Variants in CDH18 observed in about 807,000 individuals in gnomAD.
The protein encoded by CDH18 is cadherin-18.
CDH18 carries 31 observed loss-of-function variants against 67.9 expected under a neutral mutation model. That is an observed-to-expected ratio of 0.46 (90% CI 0.34 to 0.62). The LOEUF (loss-of-function observed/expected upper bound fraction) is 0.62, where lower values mean the gene tolerates loss of function less well. CDH18 is among the 20% of genes least tolerant of loss of function. The pLI, the probability that CDH18 is intolerant of heterozygous loss-of-function variation, is 0.01. For missense variants in CDH18, 890 were observed against 975.5 expected (o/e 0.91, Z 1.17); for synonymous variants, 362 against 347.2 (o/e 1.04, Z -0.48).
chr5:19,783,320 A>G (rs1212215788), intron 3 of CDH18, among the ~76,000 whole-genome samples: 1 of 152,152 alleles, frequency 6.6e-6, no homozygotes, highest in African/African-American at 2.4e-5. Flanking sequence ...ACCTCTCTGA[A>G]ATGGGTTCTG....
intron 2 of CDH18, among the ~76,000 whole-genome samples, chr5:20,240,203 A>G (rs1185196361): frequency 1.3e-5 from 2 of 152,086 alleles, no homozygotes; most frequent in African/African-American, 4.8e-5. Context: ...CTAAAGGAAA[A>G]CAAAACAATA....
In CDH18 at chr5:19,837,839, G is replaced by A. The variant is rs73761840; in HGVS notation, c.228+920C>T. ...TAGAAGCCACTGAGCCTGCAGTCAC[G>A]GATATTCTACTGCTGTGCTTGCTGT... On this transcript the variant is annotated intron_variant, in intron 3 of 12. Transcript: ENST00000382275. Among the ~76,000 whole-genome samples, 923 of 152,210 alleles carry A rather than the reference G, an allele frequency of 6.1e-3. 7 individuals carry two copies. The highest frequency in any genetic ancestry group is 0.021 in the African/African-American group (865 of 41,522).
chr5:19,655,986 CTTTTTTTT>C (rs963093504), intron 5 of CDH18, among the ~76,000 whole-genome samples: 21 of 103,660 alleles, frequency 2.0e-4, no homozygotes, highest in Admixed American at 4.3e-4. Flanking sequence ...CTACTCACTT[CTTTTTTTT>C]TTTTTTTTTT....
At chr5:20,330,548 C>T (rs552803132) in intron 1 of CDH18, among the ~76,000 whole-genome samples, 1 of 152,238 alleles carries the variant, frequency 6.6e-6, no homozygotes, top group Non-Finnish European at 1.5e-5. Context: ...TGCACAGTAA[C>T]AGACAAAAAT....
chr5:19,910,427 G>T, intron 2 of CDH18, among the ~76,000 whole-genome samples: 1 of 152,130 alleles, frequency 6.6e-6, no homozygotes, highest in East Asian at 1.9e-4. Flanking sequence ...CGATGTTGTG[G>T]AGATTTAGCT....
intron 2 of CDH18, among the ~76,000 whole-genome samples, chr5:19,857,876 CAG>C (rs1784475001): frequency 6.6e-6 from 1 of 152,070 alleles, no homozygotes; most frequent in Admixed American, 6.5e-5. Flanking sequence ...ACTTTCAAGT[CAG>C]AAATTATTTT....
chr5:20,275,105 A>G (rs1032951261), intron 1 of CDH18, among the ~76,000 whole-genome samples: 1 of 152,128 alleles, frequency 6.6e-6, no homozygotes, highest in Non-Finnish European at 1.5e-5. Flanking sequence ...TATTTTCACC[A>G]CATTTCTGAG....
intron 2 of CDH18, among the ~76,000 whole-genome samples, chr5:20,074,933 T>C (rs1743794291): frequency 6.6e-6 from 1 of 152,192 alleles, no homozygotes; most frequent in African/African-American, 2.4e-5. Context: ...GATAAAAGAA[T>C]TAAATACCTA....
At chr5:20,419,634 C>T (rs542642291) in intron 1 of CDH18, among the ~76,000 whole-genome samples, 1 of 144,708 alleles carries the variant, frequency 6.9e-6, no homozygotes, top group Admixed American at 6.7e-5. Flanking sequence ...CCCGCCACGA[C>T]GCCCAGCTAA....
chr5:20,327,806 G>A (rs951901345), intron 1 of CDH18, among the ~76,000 whole-genome samples: 1 of 152,046 alleles, frequency 6.6e-6, no homozygotes, highest in African/African-American at 2.4e-5. Context: ...GGGAGGGCAA[G>A]GTGGGAGGAT....
At chr5:19,891,813 C>T (rs777712432) in intron 2 of CDH18, among the ~76,000 whole-genome samples, 6 of 152,178 alleles carry the variant, frequency 3.9e-5, no homozygotes, top group African/African-American at 7.2e-5. Context: ...TTCTAACTGA[C>T]TCACACATTT....
chr5:19,571,799 G>T lies in CDH18; in HGVS notation c.1033C>A (p.Leu345Ile). 6.2e-7 allele frequency: 1 copy of T among 1,613,436 alleles called. No homozygotes were observed. Among genetic ancestry groups the T allele is most frequent in the Non-Finnish European group, 8.5e-7 (1 of 1,179,490 alleles). The change falls in exon 8 of 13, where the codon CTC becomes ATC. Residue 345 changes from leucine (L) to isoleucine (I), a missense_variant. Physicochemically the swap from Leu to Ile is conservative, Grantham distance 5. Around this residue, in one of 2 missense-constraint regions of CDH18, gnomAD observed 656 missense variants for 668.1 expected, o/e 0.98. Transcript: ENST00000382275. ...TGTGTATTTGCTCCTTCTATGTTGA[G>T]GGTATATGACTTCTTTTTCTCATAG... ...LNYEKKKSYTLNIEGANTHLD... is the reference protein window; with the variant it reads ...LNYEKKKSYTINIEGANTHLD...
At chr5:19,805,042 G>T (rs1448950387) in intron 3 of CDH18, among the ~76,000 whole-genome samples, 8 of 151,888 alleles carry the variant, frequency 5.3e-5, no homozygotes, top group East Asian at 3.9e-4. Context: ...TGCCTACAAG[G>T]TTCAAATGAT....
intron 3 of CDH18, among the ~76,000 whole-genome samples, chr5:19,819,371 CAA>C (rs1248193986): frequency 3.3e-5 from 5 of 152,110 alleles, no homozygotes; most frequent in Non-Finnish European, 5.9e-5. Context: ...TCTCTTCCAA[CAA>C]GAGAAGCTAA....
At chr5:20,548,618 A>G (rs1457368196) in intron 1 of CDH18, among the ~76,000 whole-genome samples, 1 of 152,210 alleles carries the variant, frequency 6.6e-6, no homozygotes, top group East Asian at 1.9e-4. Context: ...AGCATAACTG[A>G]TGTTTGTACA....
At position 20,231,611 on chromosome 5, in the gene CDH18, A is replaced by AAAAAG. The variant is rs534468710; in HGVS notation, c.-518+23828_-518+23832dup. 9.9e-3 allele frequency among the ~76,000 whole-genome samples: 1,510 copies of AAAAAG among 151,968 alleles called. 15 individuals carry two copies. The highest frequency in any genetic ancestry group is 0.016 in the Non-Finnish European group (1,063 of 67,992). ...GTGAAACTCCATCTCAAAAAGAAAA[A>AAAAAG]AAAAGAAAAGAAAAGAAAAGAAAGG... is the stretch of plus-strand genomic sequence containing the variant. On this transcript the variant is annotated intron_variant, in intron 2 of 14. Transcript: ENST00000507958.
At chr5:20,419,179 T>G (rs1431306850) in intron 1 of CDH18, among the ~76,000 whole-genome samples, 1 of 152,154 alleles carries the variant, frequency 6.6e-6, no homozygotes, top group Non-Finnish European at 1.5e-5. Flanking sequence ...CCGCTTTTGC[T>G]TCTCAATTTT....
chr5:19,553,632 A>C (rs908592126), intron 8 of CDH18, among the ~76,000 whole-genome samples: 2 of 135,322 alleles, frequency 1.5e-5, no homozygotes, highest in South Asian at 2.3e-4. Context: ...TTGGTCTCAT[A>C]CTTTTTTTTT....
chr5:20,178,789 T>G (rs1244404253), intron 2 of CDH18, among the ~76,000 whole-genome samples: 1 of 152,090 alleles, frequency 6.6e-6, no homozygotes, highest in Non-Finnish European at 1.5e-5. Context: ...GTGGGGATAT[T>G]TTTACCCTTC....
Sources: allele counts gnomAD v4.1 joint callset (sites outside exome capture counted in the v4.1 genomes callset), GRCh38; gene constraint gnomAD v4.1.1; regional missense constraint gnomAD v4.1.1; transcripts MANE v1.5; gene names NCBI Gene and HGNC (gene_info 2026-07-23, HGNC 2026-07-21).